The following PHYHIPL variants were observed in gnomAD, a reference collection of about 807,000 sequenced individuals.
The protein encoded by PHYHIPL is phytanoyl-CoA 2-hydroxylase interacting protein like, also known as phytanoyl-CoA hydroxylase-interacting protein-like.
In PHYHIPL, 9 loss-of-function variants were observed where a neutral mutation model predicts 33.4. The ratio of observed to expected loss-of-function variants is 0.27; its 90% CI spans 0.16 to 0.47. The LOEUF is 0.47. Ranked by LOEUF, PHYHIPL falls within the 20% of genes least tolerant of loss-of-function variation. The pLI, the probability that PHYHIPL is intolerant of heterozygous loss-of-function variation, is 0.99. For synonymous variants in PHYHIPL, 153 were observed against 154.1 expected (o/e 0.99, Z 0.05); for missense variants, 365 against 460.7 (o/e 0.79, Z 1.90).
intron 4 of PHYHIPL, among the ~76,000 whole-genome samples, chr10:59,242,188 G>T (rs1268810198): frequency 6.6e-6 from 1 of 152,132 alleles, no homozygotes; most frequent in Non-Finnish European, 1.5e-5. Flanking sequence ...AGAAAATGAG[G>T]CTTGCCCTCA....
At chr10:59,179,044 A>T (rs1267696414) in intron 1 of PHYHIPL, among the ~76,000 whole-genome samples, 1 of 152,168 alleles carries the variant, frequency 6.6e-6, no homozygotes, top group Non-Finnish European at 1.5e-5. Flanking sequence ...AAAATTTGGA[A>T]ATACTTTGTT....
rs747152376 is a variant in PHYHIPL, at chr10:59,234,442, A to G, written c.245A>G (p.His82Arg). 2 of 1,592,810 alleles carry G rather than the reference A, an allele frequency of 1.3e-6. No homozygotes were observed. The highest frequency in any genetic ancestry group is 1.4e-5 in the African/African-American group (1 of 73,416). Residue 82 changes from histidine (H) to arginine (R), a missense_variant, in exon 2 of 5, where the codon CAC becomes CGC. Physicochemically the swap from His to Arg is conservative, Grantham distance 29. This residue lies in a region of PHYHIPL where 63 missense variants were observed against 119.3 expected (regional missense o/e 0.53). Transcript: ENST00000373880. Reference protein sequence around the residue: ...MDSKSKDRITHYFIDLNKKEN... With the variant: ...MDSKSKDRITRYFIDLNKKEN... ...TCAAAATCAAAGGATCGCATTACAC[A>G]CTATTTTATTGACCTCAACAAGAAA... is the stretch of plus-strand genomic sequence containing the variant.
At chr10:59,181,684 A>G (rs1050808395) in intron 1 of PHYHIPL, among the ~76,000 whole-genome samples, 1 of 152,234 alleles carries the variant, frequency 6.6e-6, no homozygotes, top group Non-Finnish European at 1.5e-5. Context: ...ATGACTATAG[A>G]GATATTAGTG....
chr10:59,239,226 A>C (rs1218511278), intron 4 of PHYHIPL, among the ~76,000 whole-genome samples: 1 of 151,984 alleles, frequency 6.6e-6, no homozygotes, highest in Non-Finnish European at 1.5e-5. Flanking sequence ...AAAAGAAAGA[A>C]GTTTGTTGGA....
upstream of PHYHIPL, among the ~76,000 whole-genome samples, chr10:59,175,907 G>A (rs550367722): frequency 7.2e-5 from 11 of 152,302 alleles, no homozygotes; most frequent in Admixed American, 3.3e-4. Flanking sequence ...AGACTGCGTG[G>A]CTGCTGGTCC....
intron 1 of PHYHIPL, among the ~76,000 whole-genome samples, chr10:59,179,842 TACACACACACAC>T (rs147836305): frequency 1.8e-4 from 24 of 134,874 alleles, no homozygotes; most frequent in South Asian, 1.0e-3. Flanking sequence ...GCAAGACAGT[TACACACACACAC>T]ACACACACAC....
In PHYHIPL at chr10:59,245,444, C is replaced by T. The variant is rs138490289; in HGVS notation, c.984C>T (p.Val328=). ...GVLVYHHAQD[V]ILEVIYTDPV... ...TGGTTTACCACCATGCCCAGGATGT[C>T]ATTTTAGAAGTCATTTACACTGACC... Residue 328 remains valine, a synonymous_variant, in exon 5 of 5, where the codon GTC becomes GTT. Transcript: ENST00000373880. 2.4e-3 allele frequency: 3,865 copies of T among 1,614,120 alleles called. 12 individuals carry two copies. The highest frequency in any genetic ancestry group is 2.4e-3 in the Non-Finnish European group (2,879 of 1,180,018).
intron 1 of PHYHIPL, 143 bp downstream of exon 1, chr10:59,177,102 C>T (rs1050336039): frequency 5.9e-6 from 4 of 674,738 alleles, no homozygotes; most frequent in Non-Finnish European, 4.9e-6. Flanking sequence ...TGTGGGTTAC[C>T]CTCCGCCCAC....
At chr10:59,236,406 TTTC>T (rs1268014428) in intron 2 of PHYHIPL, 74 bp from the exon 3 acceptor site, 21 of 870,106 alleles carry the variant, frequency 2.4e-5, no homozygotes, top group Middle Eastern at 2.4e-4. Flanking sequence ...CCTTCTCCCT[TTTC>T]TTCTTTCTTC....
intron 4 of PHYHIPL, among the ~76,000 whole-genome samples, chr10:59,239,509 G>A (rs1840328435): frequency 6.6e-6 from 1 of 151,890 alleles, no homozygotes; most frequent in Non-Finnish European, 1.5e-5. Flanking sequence ...GATTTGGGTG[G>A]GGACACAGCC....
At chr10:59,216,341 G>T (rs1170737354) in intron 1 of PHYHIPL, among the ~76,000 whole-genome samples, 2 of 152,100 alleles carry the variant, frequency 1.3e-5, no homozygotes, top group Non-Finnish European at 2.9e-5. Flanking sequence ...GACAGCACTG[G>T]TCAGGAAAGA....
chr10:59,208,712 C>T (rs138013253), intron 1 of PHYHIPL, among the ~76,000 whole-genome samples: 1 of 151,980 alleles, frequency 6.6e-6, no homozygotes, highest in African/African-American at 2.4e-5. Flanking sequence ...CTAGAATAAC[C>T]AGTTTAGAGA....
intron 1 of PHYHIPL, among the ~76,000 whole-genome samples, chr10:59,200,402 G>A (rs1401965785): frequency 6.6e-6 from 1 of 152,188 alleles, no homozygotes; most frequent in East Asian, 1.9e-4. Context: ...TCCCAGGGAT[G>A]AAGCCAACTT....
intron 1 of PHYHIPL, among the ~76,000 whole-genome samples, chr10:59,226,921 AAAG>A (rs1276504746): frequency 2.0e-5 from 3 of 152,198 alleles, no homozygotes; most frequent in Admixed American, 1.3e-4. Flanking sequence ...ATCTCATAGA[AAAG>A]AAGAAGCAAT....
intron 1 of PHYHIPL, among the ~76,000 whole-genome samples, chr10:59,179,842 TACACACACACACACACAC>T (rs147836305): frequency 7.4e-6 from 1 of 134,874 alleles, no homozygotes; most frequent in African/African-American, 2.8e-5. Flanking sequence ...GCAAGACAGT[TACACACACACACACACAC>T]ACACACACAC....
chr10:59,207,460 C>T (rs918075305), intron 1 of PHYHIPL, among the ~76,000 whole-genome samples: 1 of 152,216 alleles, frequency 6.6e-6, no homozygotes, highest in Non-Finnish European at 1.5e-5. Flanking sequence ...TCAGGTGTCT[C>T]TGCCACCAGG....
At chr10:59,178,202 A>G (rs1022085076) in intron 1 of PHYHIPL, among the ~76,000 whole-genome samples, 8 of 151,710 alleles carry the variant, frequency 5.3e-5, no homozygotes, top group African/African-American at 1.9e-4. Context: ...TTTATATTTA[A>G]TAATTTTGAA....
chr10:59,192,859 C>T (rs192857230), intron 1 of PHYHIPL, among the ~76,000 whole-genome samples: 1 of 152,122 alleles, frequency 6.6e-6, no homozygotes, highest in Non-Finnish European at 1.5e-5. Flanking sequence ...AAAGAGTAGG[C>T]TTGAAGACAA....
At position 59,177,300 on chromosome 10, in the gene PHYHIPL, G is replaced by A. The variant is rs985314476; in HGVS notation, c.106+341G>A. On this transcript the variant is annotated intron_variant, in intron 1 of 4. Transcript: ENST00000373880. ...CTTTGCCGCAGTCCGGATTTCCTGGGTCTCTGGGCACTGAAGGGGAAATGC... is the reference window on the plus strand; with the variant it reads ...CTTTGCCGCAGTCCGGATTTCCTGGATCTCTGGGCACTGAAGGGGAAATGC... 4.6e-6 allele frequency: 3 copies of A among 647,892 alleles called. No individual in the cohort carries two copies. In the African/African-American group the frequency reaches 5.6e-5, roughly 12 times the overall value. The allele number at this position is 647,892 out of a possible 1,614,324, so 40.1% of individuals were successfully genotyped here.
Sources: allele counts gnomAD v4.1 joint callset (sites outside exome capture counted in the v4.1 genomes callset), GRCh38; gene constraint gnomAD v4.1.1; regional missense constraint gnomAD v4.1.1; transcripts MANE v1.5; gene names NCBI Gene and HGNC (gene_info 2026-07-23, HGNC 2026-07-21).